Variants in MGST1 observed in about 807,000 individuals in gnomAD.
The protein encoded by MGST1 is microsomal glutathione S-transferase 1.
Under a neutral mutation model 8.9 loss-of-function variants are expected in MGST1, and 5 were observed. The observed-to-expected ratio is 0.56, with a 90% CI of 0.29 to 1.19. MGST1 has a LOEUF of 1.19. Ranked by LOEUF, MGST1 falls within the 50% of genes most tolerant of loss-of-function variation. The pLI is 0.08. For missense variants in MGST1, 182 were observed against 187.4 expected, an observed-to-expected ratio of 0.97 and a Z score of 0.17; for synonymous variants, 54 against 67.8, an observed-to-expected ratio of 0.80 and a Z score of 1.00.
intron 3 of MGST1, among the ~76,000 whole-genome samples, chr12:16,375,303 C>G (rs1246690118): frequency 1.3e-5 from 2 of 152,078 alleles, no homozygotes; most frequent in Non-Finnish European, 2.9e-5. Flanking sequence ...TTAAAAGTAT[C>G]TTGTTTTAAA....
Position 16,354,283 on chromosome 12 carries a change from G to A in MGST1, c.31G>A (p.Glu11Lys). The stretch of plus-strand genomic sequence containing the variant: ...TGACCTCACCCAGGTAATGGATGAT[G>A]AAGTATTCATGGCTTTTGCATCCTA... MVDLTQVMDD[E>K]VFMAFASYAT... Residue 11 changes from glutamate to lysine, a missense_variant, in exon 2 of 4, where the codon GAA becomes AAA. Glu to Lys is a moderately conservative substitution (Grantham distance 56). Coordinates refer to ENST00000396210, the MANE Select transcript of MGST1 (RefSeq NM_020300.5). The A allele has an allele frequency of 6.2e-7, 1 of 1,606,892 alleles. No homozygotes were observed. The highest frequency in any genetic ancestry group is 8.5e-7 in the Non-Finnish European group (1 of 1,177,856).
intron 1 of MGST1, among the ~76,000 whole-genome samples, chr12:16,387,506 A>G (rs779172853): frequency 9.2e-5 from 14 of 151,780 alleles, no homozygotes; most frequent in Admixed American, 2.6e-4. Flanking sequence ...TCCATTCATG[A>G]TAAATGCCCT....
At chr12:16,372,937 TTATATTA>T (rs1337521011) in intron 3 of MGST1, among the ~76,000 whole-genome samples, 3 of 142,334 alleles carry the variant, frequency 2.1e-5, no homozygotes, top group Admixed American at 7.0e-5. Context: ...ATTGTATATT[TTATATTA>T]TATATTACAT....
At chr12:16,479,535 C>CTTTTTTTTTTTTTTT (rs71054820) in intron 4 of MGST1, among the ~76,000 whole-genome samples, 1,253 of 112,952 alleles carry the variant, frequency 0.011, 87 homozygotes, top group African/African-American at 0.046. Context: ...CGCCCGGCCT[C>CTTTTTTTTTTTTTTT]TTTTTTTTTT....
In MGST1 at chr12:16,508,651, T is replaced by C. The variant is rs1941556965; in HGVS notation, n.483-80877T>C. ...TCCATGATCTGATCTTCAACTTTGA[T>C]ATATCTTTAGCCTGACAACAGTTTA... On this transcript the variant is annotated intron_variant and non_coding_transcript_variant, in intron 4 of 4. Coordinates refer to the MGST1 transcript ENST00000538857. 2.0e-5 allele frequency among the ~76,000 whole-genome samples: 3 copies of C among 152,212 alleles called. 1 individual carries two copies. Among genetic ancestry groups the C allele is most frequent in the Non-Finnish European group, 1.5e-5 (1 of 68,024 alleles).
At chr12:16,538,608 C>CT (rs35801123) in intron 4 of MGST1, among the ~76,000 whole-genome samples, 281 of 128,220 alleles carry the variant, frequency 2.2e-3, no homozygotes, top group Middle Eastern at 0.017. Flanking sequence ...AAAGGCACTT[C>CT]TTTTTTTTTT....
chr12:16,434,006 C>T (rs1207787961), intron 1 of MGST1, among the ~76,000 whole-genome samples: 2 of 152,090 alleles, frequency 1.3e-5, no homozygotes, highest in African/African-American at 4.8e-5. Flanking sequence ...TTCTCTTCTA[C>T]AAAACTAACT....
At chr12:16,399,494 C>G in intron 1 of MGST1, 1 of 1,561,714 alleles carries the variant, frequency 6.4e-7, no homozygotes, top group Non-Finnish European at 8.8e-7. Context: ...CACTACCCAA[C>G]GACTCCTTAG....
At chr12:16,476,822 C>T (rs991096604) in intron 4 of MGST1, among the ~76,000 whole-genome samples, 5 of 152,140 alleles carry the variant, frequency 3.3e-5, no homozygotes, top group Middle Eastern at 3.4e-3. Context: ...TGACAGGGGT[C>T]GAGGTAATCG....
chr12:16,443,745 T>A (rs1216793875), downstream of MGST1, among the ~76,000 whole-genome samples: 1 of 151,920 alleles, frequency 6.6e-6, no homozygotes, highest in Admixed American at 6.6e-5. Flanking sequence ...CTCATATGTA[T>A]CCATATATTT....
At chr12:16,354,038 G>A (rs1939597214) in intron 1 of MGST1, among the ~76,000 whole-genome samples, 193 bp from the exon 2 acceptor site, 1 of 152,090 alleles carries the variant, frequency 6.6e-6, no homozygotes, top group African/African-American at 2.4e-5. Flanking sequence ...GGGATTAACA[G>A]GTATAAGCCA....
At chr12:16,498,010 C>A (rs915982233) in intron 4 of MGST1, among the ~76,000 whole-genome samples, 2 of 152,094 alleles carry the variant, frequency 1.3e-5, no homozygotes, top group Non-Finnish European at 2.9e-5. Context: ...TTCCTTAAAG[C>A]AAAGTCATCA....
chr12:16,466,603 G>C (rs1248550903), intron 4 of MGST1, among the ~76,000 whole-genome samples: 1 of 152,132 alleles, frequency 6.6e-6, no homozygotes, highest in Non-Finnish European at 1.5e-5. Context: ...ATAAAGGAAG[G>C]ATGGTCTTGG....
chr12:16,471,920 TACACAC>T (rs10628214), intron 4 of MGST1, among the ~76,000 whole-genome samples: 1 of 148,920 alleles, frequency 6.7e-6, no homozygotes, highest in Non-Finnish European at 1.5e-5. Flanking sequence ...TACACACACA[TACACAC>T]ACACACACAC....
In MGST1 at chr12:16,581,549, G is replaced by C. The variant is rs529475846; in HGVS notation, n.483-7979G>C. On this transcript the variant is annotated intron_variant and non_coding_transcript_variant, in intron 4 of 4. Coordinates refer to the MGST1 transcript ENST00000538857. ...AGTTCCTATAACACTACCCATTATA[G>C]AGTAAATCCTCAAGAAATATTTGCC... 2.7e-4 allele frequency among the ~76,000 whole-genome samples: 41 copies of C among 152,202 alleles called. 1 individual carries two copies. In the South Asian group the frequency reaches 6.2e-3, roughly 23 times the overall value.
chr12:16,357,506 C>T (rs956304797), intron 2 of MGST1, 99 bp from the exon 3 acceptor site: 2 of 853,776 alleles, frequency 2.3e-6, no homozygotes, highest in Non-Finnish European at 3.6e-6. Flanking sequence ...TGGGCTCAAG[C>T]AATCCTGCCT....
At chr12:16,591,307 G>T (rs1395113250), downstream of MGST1, among the ~76,000 whole-genome samples, 1 of 151,892 alleles carries the variant, frequency 6.6e-6, no homozygotes, top group African/African-American at 2.4e-5. The surrounding 1 kb of genome is among the most constrained non-coding windows in gnomAD (Gnocchi z 4.1). Context: ...TCCCATACGT[G>T]ATCATGGCTA....
At chr12:16,459,608 T>G (rs973428930) in intron 4 of MGST1, among the ~76,000 whole-genome samples, 2 of 152,108 alleles carry the variant, frequency 1.3e-5, no homozygotes, top group African/African-American at 4.8e-5. Context: ...TAACAATGTC[T>G]AGTTCAACTG....
chr12:16,492,173 T>G (rs1262252579), intron 4 of MGST1, among the ~76,000 whole-genome samples: 1 of 152,198 alleles, frequency 6.6e-6, no homozygotes, highest in Non-Finnish European at 1.5e-5. Context: ...ATTTCTCACC[T>G]AACATTTTTA....
Sources: gnomAD v4.1 joint callset for allele counts (sites outside exome capture counted in the v4.1 genomes callset) on GRCh38, gnomAD v4.1.1 for gene constraint, Gnocchi (gnomAD v3.1) non-coding constraint, MANE v1.5 for transcripts, NCBI Gene and HGNC (gene_info 2026-07-23, HGNC 2026-07-21) for gene names.